The following TOX variants were observed in gnomAD, a reference collection of about 807,000 sequenced individuals.
TOX encodes the protein thymocyte selection associated high mobility group box.
Under a neutral mutation model 53.7 loss-of-function variants are expected in TOX, and 11 were observed. That is an observed-to-expected ratio of 0.20 (90% CI 0.13 to 0.34). TOX has a LOEUF of 0.34. Ranked by LOEUF, TOX falls within the 10% of genes least tolerant of loss-of-function variation. TOX has a pLI of 1.00. For synonymous variants in TOX, 225 were observed against 245.3 expected, an observed-to-expected ratio of 0.92 and a Z score of 0.77; for missense variants, 570 against 664.6, an observed-to-expected ratio of 0.86 and a Z score of 1.56.
chr8:58,881,292 A>G (rs1811378869), intron 3 of TOX, among the ~76,000 whole-genome samples: 1 of 152,228 alleles, frequency 6.6e-6, no homozygotes, highest in Admixed American at 6.5e-5. Flanking sequence ...TTATCTTCGA[A>G]TAAAGTATTA....
chr8:59,112,130 C>T (rs538260510), intron 1 of TOX, among the ~76,000 whole-genome samples: 19 of 152,258 alleles, frequency 1.2e-4, no homozygotes, highest in African/African-American at 4.6e-4. Flanking sequence ...CAGGAAAGAG[C>T]AAGGAGTTTC....
At chr8:58,820,371 T>TG (rs879814225) in intron 6 of TOX, among the ~76,000 whole-genome samples, 3 of 152,198 alleles carry the variant, frequency 2.0e-5, no homozygotes, top group Non-Finnish European at 4.4e-5. Flanking sequence ...TTTGATGTTA[T>TG]GACCTTAAAA....
intron 1 of TOX, among the ~76,000 whole-genome samples, chr8:58,976,480 C>T (rs1348937051): frequency 6.6e-6 from 1 of 152,212 alleles, no homozygotes; most frequent in African/African-American, 2.4e-5. Context: ...CCCTCAAAGT[C>T]ATCCATGAGA....
chr8:58,915,715 G>A (rs1365064757), intron 3 of TOX, among the ~76,000 whole-genome samples: 3 of 151,892 alleles, frequency 2.0e-5, no homozygotes, highest in Non-Finnish European at 2.9e-5. Flanking sequence ...TGATTTTCAC[G>A]AGCTGAGAGA....
intron 1 of TOX, among the ~76,000 whole-genome samples, chr8:59,059,979 T>G (rs1803951777): frequency 6.6e-6 from 1 of 152,176 alleles, no homozygotes; most frequent in African/African-American, 2.4e-5. Context: ...GCTTAATGTA[T>G]GCTTATCTTT....
intron 1 of TOX, among the ~76,000 whole-genome samples, chr8:59,046,554 C>G (rs1803684506): frequency 6.6e-6 from 1 of 152,096 alleles, no homozygotes; most frequent in Non-Finnish European, 1.5e-5. Flanking sequence ...ACACCATTTT[C>G]CTGTTAGAAA....
chr8:59,076,250 G>C (rs1804291354), intron 1 of TOX, among the ~76,000 whole-genome samples: 1 of 152,316 alleles, frequency 6.6e-6, no homozygotes, highest in African/African-American at 2.4e-5. Context: ...GCAAGACACT[G>C]ATTAGAAAAG....
intron 3 of TOX, among the ~76,000 whole-genome samples, chr8:58,867,518 G>T (rs1015675557): frequency 6.6e-6 from 1 of 152,174 alleles, no homozygotes; most frequent in Non-Finnish European, 1.5e-5. Flanking sequence ...CCTATTAAAC[G>T]TAGATCCATC....
At chr8:58,992,327 A>G (rs1374928418) in intron 1 of TOX, among the ~76,000 whole-genome samples, 1 of 152,234 alleles carries the variant, frequency 6.6e-6, no homozygotes, top group Non-Finnish European at 1.5e-5. Context: ...TGCTTGCTGC[A>G]CGTAGAAATG....
chr8:58,883,118 T>C (rs920320416), intron 3 of TOX, among the ~76,000 whole-genome samples: 1 of 152,218 alleles, frequency 6.6e-6, no homozygotes, highest in Non-Finnish European at 1.5e-5. Context: ...ATTAGACATC[T>C]ATGATGTGGA....
intron 3 of TOX, among the ~76,000 whole-genome samples, chr8:58,930,450 G>A (rs1047615624): frequency 7.2e-5 from 11 of 152,320 alleles, no homozygotes; most frequent in Admixed American, 2.6e-4. Flanking sequence ...GGCAGAGAGA[G>A]AACAAGAAAA....
chr8:59,010,713 AC>A (rs1208493357), intron 1 of TOX, among the ~76,000 whole-genome samples: 2 of 152,232 alleles, frequency 1.3e-5, no homozygotes, highest in African/African-American at 4.8e-5. Context: ...AATGAGTTTG[AC>A]AATGCTTTCT....
intron 1 of TOX, among the ~76,000 whole-genome samples, chr8:59,083,900 C>T (rs1318733120): frequency 1.3e-5 from 2 of 152,178 alleles, no homozygotes; most frequent in Admixed American, 6.5e-5. Flanking sequence ...GAAAAACCCT[C>T]ACATTTTTAA....
chr8:59,018,770 T>G (rs1445271571), intron 1 of TOX, among the ~76,000 whole-genome samples: 1 of 152,158 alleles, frequency 6.6e-6, no homozygotes, highest in African/African-American at 2.4e-5. Flanking sequence ...TTTAGCAATA[T>G]ATTCATAGTT....
At chr8:59,092,898 C>T (rs562385736) in intron 1 of TOX, among the ~76,000 whole-genome samples, 8 of 152,256 alleles carry the variant, frequency 5.3e-5, no homozygotes, top group African/African-American at 1.7e-4. Flanking sequence ...AGAGTAAGTG[C>T]CCAGTAAATA....
intron 4 of TOX, among the ~76,000 whole-genome samples, chr8:58,849,071 C>T (rs1434725973): frequency 6.6e-6 from 1 of 152,018 alleles, no homozygotes; most frequent in Non-Finnish European, 1.5e-5. Flanking sequence ...CCAGTTTAAT[C>T]CTTAACTGTA....
chr8:59,016,615 C>T (rs1029695402), intron 1 of TOX, among the ~76,000 whole-genome samples: 1 of 152,128 alleles, frequency 6.6e-6, no homozygotes, highest in African/African-American at 2.4e-5. Context: ...GTGACCTCAA[C>T]CAATAAAGAT....
At chr8:58,997,328 A>G (rs373303290) in intron 1 of TOX, among the ~76,000 whole-genome samples, 1 of 152,270 alleles carries the variant, frequency 6.6e-6, no homozygotes, top group African/African-American at 2.4e-5. Context: ...ACTGGAGACC[A>G]GTGGATGAAG....
intron 1 of TOX, among the ~76,000 whole-genome samples, chr8:59,065,359 C>T (rs1804070986): frequency 6.6e-6 from 1 of 152,128 alleles, no homozygotes; most frequent in South Asian, 2.1e-4. Flanking sequence ...CACGTTACTT[C>T]AGTGGTTTTC....
Sources: allele counts gnomAD v4.1 joint callset (sites outside exome capture counted in the v4.1 genomes callset), GRCh38; gene constraint gnomAD v4.1.1; transcripts MANE v1.5; gene names NCBI Gene and HGNC (gene_info 2026-07-23, HGNC 2026-07-21).